PIGS: variants seen among roughly 807,000 people sequenced by gnomAD.
PIGS encodes the protein GPI-anchor transamidase component PIGS.
A neutral mutation model predicts 58.2 loss-of-function variants in PIGS; 37 were observed. That is an observed-to-expected ratio of 0.64 (90% CI 0.49 to 0.84). PIGS has a LOEUF of 0.84. PIGS is among the 40% of genes least tolerant of loss of function. PIGS has a pLI of 0.00. For missense variants in PIGS, 629 were observed against 710.8 expected (o/e 0.88, Z 1.31); for synonymous variants, 269 against 289.2 (o/e 0.93, Z 0.71).
chr17:28,568,287 G>C (rs576543804), intron 3 of PIGS, among the ~76,000 whole-genome samples: 1 of 152,172 alleles, frequency 6.6e-6, no homozygotes, highest in South Asian at 2.1e-4. Flanking sequence ...ATTTTTAGTA[G>C]AGATGGGGTT....
chr17:28,555,112 G>A, intron 10 of PIGS, 51 bp from the exon 11 acceptor site: 2 of 1,468,138 alleles, frequency 1.4e-6, no homozygotes, highest in Non-Finnish European at 1.9e-6. Flanking sequence ...CAAGGCGGGA[G>A]ATCATGGCTA....
At chr17:28,555,927 C>A (rs2070324140) in intron 10 of PIGS, 2 of 412,152 alleles carry the variant, frequency 4.9e-6, no homozygotes, top group South Asian at 5.5e-5. Flanking sequence ...CAAAATGGCA[C>A]CACTGCACTC....
chr17:28,568,873 ATC>A (rs2151514668), intron 3 of PIGS, among the ~76,000 whole-genome samples: 1 of 151,490 alleles, frequency 6.6e-6, no homozygotes, highest in East Asian at 2.0e-4. Flanking sequence ...AGGCTGGTGG[ATC>A]ACTGGAGGTC....
intron 3 of PIGS, among the ~76,000 whole-genome samples, chr17:28,564,316 C>A (rs191190595): frequency 1.3e-5 from 2 of 152,238 alleles, no homozygotes; most frequent in Admixed American, 1.3e-4. Context: ...GCTTGTAATC[C>A]CAGCAATTTG....
chr17:28,561,569 C>A lies in PIGS; in HGVS notation c.529G>T (p.Glu177Ter). The A allele has an allele frequency of 6.2e-7, 1 of 1,613,802 alleles. No homozygotes were observed. Residue 177 changes from glutamate (E) to a stop codon, truncating the protein, a stop_gained, in exon 6 of 12, where the codon GAG (glutamate) becomes TAG (stop). Transcript: ENST00000308360. LOFTEE classifies it high-confidence loss of function. ...CGGCGGCCAATGATGTTAAAGGCCT[C>A]CCGGTGCATTATCCCCCGCACCACT... The part of the protein sequence containing the change: ...TAVVRGIMHR[E>*]AFNIIGRRIV...
chr17:28,571,309 C>G, intron 1 of PIGS, 121 bp from the exon 2 acceptor site: 1 of 1,510,854 alleles, frequency 6.6e-7, no homozygotes, highest in South Asian at 1.3e-5. Flanking sequence ...GATCTCCGTG[C>G]GAAGGGACCC....
chr17:28,563,368 G>T, intron 5 of PIGS, 63 bp downstream of exon 5: 1 of 1,321,150 alleles, frequency 7.6e-7, no homozygotes, highest in African/African-American at 1.5e-5. Flanking sequence ...GCAAGAAGGA[G>T]GTGACCCAGG....
In PIGS at chr17:28,553,983, C is replaced by T. The variant is rs2070307606; in HGVS notation, c.*237G>A. On this transcript the variant is annotated 3_prime_UTR_variant, in exon 12 of 12. Transcript: ENST00000308360. ...GCCTTATCAAACAAGATAAGGAGAC[C>T]CGGATGATGTGCCTTTTGAGGCCCC... 1.8e-6 allele frequency: 1 copy of T among 556,734 alleles called. No homozygotes were observed. The allele number at this position is 556,734 out of a possible 1,614,324, so 34.5% of individuals were successfully genotyped here.
intron 9 of PIGS, 108 bp downstream of exon 9, chr17:28,556,719 G>GT (rs2070331106): frequency 7.1e-7 from 1 of 1,412,708 alleles, no homozygotes; most frequent in Non-Finnish European, 9.5e-7. Flanking sequence ...CCCTCCCACA[G>GT]GCTGGGCCAT....
intron 2 of PIGS, 32 bp from the exon 3 acceptor site, chr17:28,570,995 G>A (rs1227830568): frequency 6.2e-7 from 1 of 1,614,090 alleles, no homozygotes; most frequent in Non-Finnish European, 8.5e-7. Context: ...CCGTCACTGA[G>A]TCTCCACCTT....
rs2151515382 is a variant in PIGS at position 28,571,461 on chromosome 17, A to C, written c.34+2T>G. ...AGGCCCCCCACCCGAAGCCCACCGC[A>C]CCTAGGTGTGTAGCCGCAGCCCCGG... On this transcript the variant is annotated splice_donor_variant, in intron 1 of 11. Coordinates refer to ENST00000308360, the MANE Select transcript of PIGS (RefSeq NM_033198.4). LOFTEE classifies it high-confidence loss of function. The C allele has an allele frequency of 6.2e-7, 1 of 1,609,546 alleles. No individual in the cohort carries two copies.
chr17:28,568,311 C>T (rs1323789090), intron 3 of PIGS, among the ~76,000 whole-genome samples: 2 of 152,082 alleles, frequency 1.3e-5, no homozygotes, highest in African/African-American at 2.4e-5. Context: ...CCATGTTAGC[C>T]GGGCTGGTCT....
In PIGS at chr17:28,558,346, C is replaced by T. The variant is rs981527225; in HGVS notation, c.934+130G>A. ...GGAGCCTCAATCTCCACAGTCTCCT[C>T]GGACCAACCCAACCTGGGAACCATC... is the stretch of plus-strand genomic sequence containing the variant. On this transcript the variant is annotated intron_variant, in intron 8 of 11. Transcript: ENST00000308360. 1.2e-5 allele frequency: 9 copies of T among 758,256 alleles called. No homozygotes were observed. The Admixed American group carries it at 1.5e-4, about 13-fold the overall frequency. The allele number at this position is 758,256 out of a possible 1,614,324, so 47.0% of individuals were successfully genotyped here.
intron 3 of PIGS, among the ~76,000 whole-genome samples, chr17:28,564,705 A>G (rs2070384832): frequency 6.6e-6 from 1 of 151,150 alleles, no homozygotes; most frequent in African/African-American, 2.4e-5. Context: ...ACAAGAGCGA[A>G]ACTCCATCTC....
rs974464036 is a variant in PIGS at position 28,554,587 on chromosome 17, G to C, written c.1393-92C>G. The C allele has an allele frequency of 9.7e-6, 14 of 1,438,682 alleles. No individual in the cohort carries two copies. In the African/African-American group the frequency reaches 1.8e-4, roughly 19 times the overall value. The allele number at this position is 1,438,682 out of a possible 1,614,324, so 89.1% of individuals were successfully genotyped here. A position where few individuals can be genotyped will look rare whatever the true frequency, so the allele number is the denominator to read the frequency against. On this transcript the variant is annotated intron_variant, in intron 11 of 11. Coordinates refer to ENST00000308360, the MANE Select transcript of PIGS (RefSeq NM_033198.4). ...CCTTACTGTGCCTTCCATCTACCAA[G>C]GAAGATGCCTGGAGTTCATCCAGGA...
At chr17:28,560,385 T>C in intron 6 of PIGS, 194 bp from the exon 7 acceptor site, 1 of 601,550 alleles carries the variant, frequency 1.7e-6, no homozygotes. Flanking sequence ...GGCTCATGTC[T>C]GTAATCCCAG....
chr17:28,570,471 A>AC (rs1298298774), intron 3 of PIGS, among the ~76,000 whole-genome samples: 1 of 152,254 alleles, frequency 6.6e-6, no homozygotes, highest in East Asian at 1.9e-4. Context: ...AGATGGCGCC[A>AC]CTGCACTCCA....
chr17:28,566,589 CCTA>C (rs1344614956), intron 3 of PIGS, among the ~76,000 whole-genome samples: 2 of 149,660 alleles, frequency 1.3e-5, no homozygotes, highest in Non-Finnish European at 3.0e-5. Context: ...CCGCGCCCAG[CCTA>C]CTTTTTTTTT....
At chr17:28,571,296 T>C in intron 1 of PIGS, 108 bp from the exon 2 acceptor site, 5 of 1,527,024 alleles carry the variant, frequency 3.3e-6, no homozygotes, top group Non-Finnish European at 4.4e-6. Flanking sequence ...CCGCGTTCAT[T>C]GGGATCTCCG....
Sources: gnomAD v4.1 joint callset for allele counts (sites outside exome capture counted in the v4.1 genomes callset) on GRCh38, gnomAD v4.1.1 for gene constraint, MANE v1.5 for transcripts, NCBI Gene and HGNC (gene_info 2026-07-23, HGNC 2026-07-21) for gene names.